SYNDIG1: variants seen among roughly 807,000 people sequenced by gnomAD.
The protein encoded by SYNDIG1 is synapse differentiation-inducing gene protein 1.
In SYNDIG1, 9 loss-of-function variants were observed where a neutral mutation model predicts 19.4. That is an observed-to-expected ratio of 0.46 (90% CI 0.28 to 0.81). The LOEUF is 0.81. Ranked by LOEUF, SYNDIG1 falls within the 30% of genes least tolerant of loss-of-function variation. The pLI is 0.12. For synonymous variants in SYNDIG1, 141 were observed against 145.9 expected, an observed-to-expected ratio of 0.97 and a Z score of 0.24; for missense variants, 311 against 343.3, an observed-to-expected ratio of 0.91 and a Z score of 0.74.
intron 2 of SYNDIG1, among the ~76,000 whole-genome samples, chr20:24,579,186 C>T (rs926177864): frequency 3.9e-5 from 6 of 152,310 alleles, no homozygotes; most frequent in Admixed American, 2.0e-4. Context: ...CCGGGTGCTC[C>T]GTCAGTGGTC....
At chr20:24,534,952 G>A (rs2057333530) in intron 1 of SYNDIG1, among the ~76,000 whole-genome samples, 1 of 152,242 alleles carries the variant, frequency 6.6e-6, no homozygotes, top group Non-Finnish European at 1.5e-5. Flanking sequence ...TGAAGAGCTG[G>A]CTTTTGCCCA....
chr20:24,657,419 A>C (rs1210264811), intron 3 of SYNDIG1, among the ~76,000 whole-genome samples: 1 of 152,140 alleles, frequency 6.6e-6, no homozygotes, highest in Admixed American at 6.5e-5. Flanking sequence ...GACCAGCAGG[A>C]GGCGGAGGGG....
At chr20:24,655,630 C>A (rs2059517213) in intron 3 of SYNDIG1, among the ~76,000 whole-genome samples, 1 of 152,148 alleles carries the variant, frequency 6.6e-6, no homozygotes, top group African/African-American at 2.4e-5. Flanking sequence ...TACTATACAC[C>A]TTTTGGTGTC....
At chr20:24,555,062 T>C (rs1215087354) in intron 2 of SYNDIG1, among the ~76,000 whole-genome samples, 1 of 152,188 alleles carries the variant, frequency 6.6e-6, no homozygotes, top group Non-Finnish European at 1.5e-5. Context: ...AATTTATCCA[T>C]TTCTTCTAGA....
chr20:24,545,280 G>A (rs936720719), intron 2 of SYNDIG1, among the ~76,000 whole-genome samples: 5 of 152,140 alleles, frequency 3.3e-5, no homozygotes, highest in Non-Finnish European at 5.9e-5. Flanking sequence ...GGGCATCTGC[G>A]CAGGCCCCAA....
intron 1 of SYNDIG1, among the ~76,000 whole-genome samples, chr20:24,501,198 C>T (rs550462150): frequency 6.6e-6 from 1 of 152,236 alleles, no homozygotes; most frequent in Non-Finnish European, 1.5e-5. Flanking sequence ...TTATTTTGTA[C>T]TTTACATATG....
intron 1 of SYNDIG1, among the ~76,000 whole-genome samples, chr20:24,517,112 G>A (rs892298179): frequency 6.6e-6 from 1 of 151,982 alleles, no homozygotes; most frequent in Non-Finnish European, 1.5e-5. Flanking sequence ...GAGAACACTT[G>A]GACACAGGAA....
intron 1 of SYNDIG1, among the ~76,000 whole-genome samples, chr20:24,496,059 A>G (rs1468502431): frequency 6.6e-6 from 1 of 151,996 alleles, no homozygotes; most frequent in East Asian, 1.9e-4. Flanking sequence ...GTTAGACAGG[A>G]TGGTCTCGAT....
At chr20:24,661,398 G>T (rs2059588393) in intron 3 of SYNDIG1, among the ~76,000 whole-genome samples, 1 of 148,656 alleles carries the variant, frequency 6.7e-6, no homozygotes, top group Non-Finnish European at 1.5e-5. Flanking sequence ...AAAGAGGGAG[G>T]AGGTAGGAAA....
chr20:24,661,308 A>AG (rs2059583106), intron 3 of SYNDIG1, among the ~76,000 whole-genome samples: 2 of 115,670 alleles, frequency 1.7e-5, no homozygotes, highest in Non-Finnish European at 3.6e-5. Context: ...GGAGGGAGGG[A>AG]GGAAAGGGGA....
intron 1 of SYNDIG1, among the ~76,000 whole-genome samples, chr20:24,529,259 A>G (rs2057191062): frequency 6.6e-6 from 1 of 152,152 alleles, no homozygotes; most frequent in African/African-American, 2.4e-5. Flanking sequence ...AATGATGACA[A>G]TGGTACTGGT....
chr20:24,629,996 C>T (rs2059215974), intron 3 of SYNDIG1, among the ~76,000 whole-genome samples: 1 of 152,160 alleles, frequency 6.6e-6, no homozygotes. Context: ...GAGTCAGGAG[C>T]GGAGTCCAAG....
intron 3 of SYNDIG1, among the ~76,000 whole-genome samples, chr20:24,619,457 C>T (rs776393392): frequency 6.6e-6 from 1 of 152,204 alleles, no homozygotes; most frequent in Non-Finnish European, 1.5e-5. Context: ...AACACTACTT[C>T]AGTCTTGTTT....
At chr20:24,656,486 G>A (rs1383783868) in intron 3 of SYNDIG1, among the ~76,000 whole-genome samples, 2 of 152,218 alleles carry the variant, frequency 1.3e-5, no homozygotes, top group Non-Finnish European at 2.9e-5. Flanking sequence ...GGTGAGGAGG[G>A]CCAGGAGGCG....
At chr20:24,592,365 G>A (rs1390288801) in intron 3 of SYNDIG1, among the ~76,000 whole-genome samples, 1 of 152,142 alleles carries the variant, frequency 6.6e-6, no homozygotes, top group Non-Finnish European at 1.5e-5. Flanking sequence ...AATTCTTTAT[G>A]GCTGGTGTGT....
intron 3 of SYNDIG1, among the ~76,000 whole-genome samples, chr20:24,657,553 C>T (rs946599966): frequency 6.6e-6 from 1 of 152,172 alleles, no homozygotes; most frequent in Non-Finnish European, 1.5e-5. Context: ...ACCTAACTAA[C>T]ATCAGAAGAT....
chr20:24,516,829 A>G (rs956846442), intron 1 of SYNDIG1, among the ~76,000 whole-genome samples: 2 of 152,058 alleles, frequency 1.3e-5, no homozygotes, highest in Non-Finnish European at 2.9e-5. Context: ...TATGTACCCA[A>G]AGGATTATAA....
At chr20:24,656,974 G>GC (rs2059531613) in intron 3 of SYNDIG1, among the ~76,000 whole-genome samples, 1 of 152,114 alleles carries the variant, frequency 6.6e-6, no homozygotes, top group Non-Finnish European at 1.5e-5. Flanking sequence ...AAAGTGTGTG[G>GC]CCCCTCCTAT....
At chr20:24,524,416 C>T (rs570275929) in intron 1 of SYNDIG1, among the ~76,000 whole-genome samples, 14 of 152,202 alleles carry the variant, frequency 9.2e-5, no homozygotes, top group African/African-American at 2.9e-4. Context: ...GAGGCCGAGG[C>T]GGGTGGATCA....
Sources: gnomAD v4.1 joint callset for allele counts (sites outside exome capture counted in the v4.1 genomes callset) on GRCh38, gnomAD v4.1.1 for gene constraint, MANE v1.5 for transcripts, NCBI Gene and HGNC (gene_info 2026-07-23, HGNC 2026-07-21) for gene names.